The following ANK2 variants were observed in gnomAD, a reference collection of about 807,000 sequenced individuals.
The protein encoded by ANK2 is ankyrin 2, also known as ankyrin-2.
ANK2 carries 83 observed loss-of-function variants against 360.5 expected under a neutral mutation model. The observed-to-expected ratio is 0.23, with a 90% CI of 0.19 to 0.28. The LOEUF is 0.28. Among genes scored for constraint, ANK2 ranks in the 10% least tolerant of loss-of-function variants. The probability of loss-of-function intolerance (pLI) is 1.00; values close to 1 mark genes in which losing one functional copy is unlikely to be tolerated. For missense variants in ANK2, 4,201 were observed against 4,795.7 expected (o/e 0.88, Z 3.66); for synonymous variants, 1,740 against 1,759.5 (o/e 0.99, Z 0.28).
chr4:112,737,989 A>G, the ANK2 span, among the ~76,000 whole-genome samples: 2 of 152,364 alleles, frequency 1.3e-5, no homozygotes, highest in Non-Finnish European at 2.9e-5. Flanking sequence ...CTACCATACC[A>G]TTCATCTAAC....
chr4:113,060,701 T>TC (rs1201170436), intron 1 of ANK2, among the ~76,000 whole-genome samples: 1 of 85,830 alleles, frequency 1.2e-5, no homozygotes, highest in African/African-American at 4.1e-5. Flanking sequence ...TTTTTTTTTT[T>TC]CCCAAATACG....
At chr4:112,920,878 A>G (rs2091294568) in intron 2 of ANK2, among the ~76,000 whole-genome samples, 1 of 152,142 alleles carries the variant, frequency 6.6e-6, no homozygotes, top group Admixed American at 6.5e-5. Flanking sequence ...TGCCAAATAG[A>G]AAATAGTTAA....
chr4:113,234,623 G>A (rs909466843), intron 5 of ANK2, among the ~76,000 whole-genome samples: 6 of 152,050 alleles, frequency 3.9e-5, no homozygotes, highest in Non-Finnish European at 5.9e-5. Flanking sequence ...ACCTTCTACA[G>A]TCTTATGTGC....
chr4:112,865,031 CAAAAAAAAAAAAAAAAAAAAAAAAA>C (rs56149739), intron 1 of ANK2, among the ~76,000 whole-genome samples: 10 of 52,506 alleles, frequency 1.9e-4, no homozygotes, highest in African/African-American at 2.2e-4. Flanking sequence ...GACTCCATCT[CAAAAAAAAAAAAAAAAAAAAAAAAA>C]AAAAAAAAAA....
At chr4:112,886,103 C>T (rs1488659978) in intron 1 of ANK2, among the ~76,000 whole-genome samples, 1 of 152,072 alleles carries the variant, frequency 6.6e-6, no homozygotes, top group Non-Finnish European at 1.5e-5. Flanking sequence ...ATGGCAGTCA[C>T]AGAAGTCTGT....
intron 1 of ANK2, among the ~76,000 whole-genome samples, chr4:113,081,373 C>T (rs1213918754): frequency 6.6e-6 from 1 of 152,132 alleles, no homozygotes; most frequent in East Asian, 1.9e-4. Flanking sequence ...CTTTGATGCC[C>T]AGCAAGAATG....
chr4:113,137,074 T>A (rs544581377), intron 1 of ANK2, among the ~76,000 whole-genome samples: 1 of 152,218 alleles, frequency 6.6e-6, no homozygotes, highest in South Asian at 2.1e-4. Context: ...CCTCAGGTGA[T>A]CCACCCACCT....
intron 2 of ANK2, among the ~76,000 whole-genome samples, chr4:112,966,665 A>G (rs1045337536): frequency 1.3e-5 from 2 of 152,112 alleles, no homozygotes; most frequent in Admixed American, 1.3e-4. Flanking sequence ...AGAGAATTAA[A>G]GGTGTCTATA....
At chr4:113,245,457 G>A (rs1333705623) in intron 9 of ANK2, among the ~76,000 whole-genome samples, 1 of 152,174 alleles carries the variant, frequency 6.6e-6, no homozygotes, top group Non-Finnish European at 1.5e-5. Flanking sequence ...CAGGGCTGGG[G>A]AGGCATCAGG....
At chr4:113,002,382 AT>A (rs1436577815) in intron 2 of ANK2, among the ~76,000 whole-genome samples, 3 of 152,252 alleles carry the variant, frequency 2.0e-5, no homozygotes, top group Non-Finnish European at 4.4e-5. Flanking sequence ...CTATGCAGCC[AT>A]AAAAAATGAT....
chr4:113,048,627 T>C (rs971517729), upstream of ANK2, among the ~76,000 whole-genome samples: 1 of 151,874 alleles, frequency 6.6e-6, no homozygotes, highest in Non-Finnish European at 1.5e-5. Flanking sequence ...AATAAGTGAA[T>C]TTGGGTTTCT....
intron 2 of ANK2, among the ~76,000 whole-genome samples, chr4:112,930,190 G>T (rs1415447125): frequency 2.6e-5 from 4 of 151,866 alleles, no homozygotes; most frequent in African/African-American, 9.7e-5. Context: ...ACGTCTGTAA[G>T]CCCAGCACTT....
At chr4:113,361,783 C>G (rs549618927) in intron 39 of ANK2, among the ~76,000 whole-genome samples, 1 of 151,872 alleles carries the variant, frequency 6.6e-6, no homozygotes, top group African/African-American at 2.4e-5. Context: ...GAGAATGATA[C>G]CAAACTATCC....
upstream of ANK2, among the ~76,000 whole-genome samples, chr4:112,814,909 TG>T (rs1225196108): frequency 6.6e-6 from 1 of 152,152 alleles, no homozygotes; most frequent in Admixed American, 6.6e-5. Context: ...GATCACTGTA[TG>T]GGGGGTGTTG....
intron 23 of ANK2, among the ~76,000 whole-genome samples, chr4:113,305,972 C>A (rs1262358250): frequency 6.6e-6 from 1 of 152,146 alleles, no homozygotes; most frequent in Non-Finnish European, 1.5e-5. Context: ...ATTGAGATGT[C>A]CTTACATTGA....
At chr4:113,327,725 G>A (rs1438423360) in intron 26 of ANK2, among the ~76,000 whole-genome samples, 1 of 152,136 alleles carries the variant, frequency 6.6e-6, no homozygotes, top group Non-Finnish European at 1.5e-5. Context: ...AAGTAATGAC[G>A]AAACCATCAT....
chr4:113,189,410 A>G (rs2153347664), intron 2 of ANK2, among the ~76,000 whole-genome samples: 1 of 152,330 alleles, frequency 6.6e-6, no homozygotes, highest in South Asian at 2.1e-4. Context: ...ATATTACCAA[A>G]CTTTTATATT....
intron 1 of ANK2, among the ~76,000 whole-genome samples, chr4:112,832,899 C>G (rs2060108746): frequency 6.6e-6 from 1 of 152,180 alleles, no homozygotes; most frequent in African/African-American, 2.4e-5. Flanking sequence ...AAGCACTCAT[C>G]TGATTAAATT....
rs750323089 is a variant in ANK2, at chr4:113,169,056, CAT to C, written c.85-5359_85-5358del. Reference sequence around the variant, plus strand: ...AGGAATCTTCACATTTAAAAAAAGTCATGTGTGTGCATCGATAATTTGATTTA... The same window carrying C: ...AGGAATCTTCACATTTAAAAAAAGTCGTGTGTGCATCGATAATTTGATTTA... On this transcript the variant is annotated intron_variant, in intron 1 of 45. Transcript: ENST00000357077. Among the ~76,000 whole-genome samples the C allele has an allele frequency of 9.9e-4, 150 of 152,250 alleles. 1 individual carries two copies. Among genetic ancestry groups the C allele is most frequent in the East Asian group, 8.9e-3 (46 of 5,174 alleles).
Sources: allele counts gnomAD v4.1 joint callset (sites outside exome capture counted in the v4.1 genomes callset), GRCh38; gene constraint gnomAD v4.1.1; transcripts MANE v1.5; gene names NCBI Gene and HGNC (gene_info 2026-07-23, HGNC 2026-07-21).